The following DPP10 variants were observed in gnomAD, a reference collection of about 807,000 sequenced individuals.
DPP10 encodes inactive dipeptidyl peptidase 10.
In DPP10, 33 loss-of-function variants were observed where a neutral mutation model predicts 120.9. That is an observed-to-expected ratio of 0.27 (90% CI 0.21 to 0.37). The LOEUF (loss-of-function observed/expected upper bound fraction) is 0.37. Among genes scored for constraint, DPP10 ranks in the 10% least tolerant of loss-of-function variants. The pLI is 1.00. For missense variants in DPP10, 816 were observed against 942.8 expected (o/e 0.87, Z 1.76); for synonymous variants, 337 against 326.1 (o/e 1.03, Z -0.36).
intron 1 of DPP10, among the ~76,000 whole-genome samples, chr2:114,777,346 C>A (rs1228567647): frequency 6.6e-6 from 1 of 152,088 alleles, no homozygotes; most frequent in African/African-American, 2.4e-5. Flanking sequence ...TTGCACTGTA[C>A]AAATCACAAT....
At chr2:114,729,913 T>G (rs893878749) in intron 1 of DPP10, among the ~76,000 whole-genome samples, 1 of 152,150 alleles carries the variant, frequency 6.6e-6, no homozygotes, top group African/African-American at 2.4e-5. Flanking sequence ...AGGCAGTAAT[T>G]GATGAAAGCA....
At chr2:115,549,608 G>C (rs765254527) in intron 5 of DPP10, among the ~76,000 whole-genome samples, 2 of 151,950 alleles carry the variant, frequency 1.3e-5, no homozygotes, top group African/African-American at 4.8e-5. Context: ...TTTATTCACC[G>C]GGATTGCTAC....
intron 1 of DPP10, among the ~76,000 whole-genome samples, chr2:114,622,856 G>T (rs148431549): frequency 6.6e-6 from 1 of 152,204 alleles, no homozygotes; most frequent in Non-Finnish European, 1.5e-5. Context: ...ACTAGCATTT[G>T]CTTGCCTGGT....
At chr2:115,800,121 G>A (rs1177763552) in intron 19 of DPP10, among the ~76,000 whole-genome samples, 15 of 150,830 alleles carry the variant, frequency 9.9e-5, no homozygotes, top group Middle Eastern at 3.4e-3. Flanking sequence ...TTTAATGATC[G>A]CCATTATAAC....
intron 1 of DPP10, among the ~76,000 whole-genome samples, chr2:114,950,622 C>T (rs1697716934): frequency 6.6e-6 from 1 of 151,892 alleles, no homozygotes; most frequent in Middle Eastern, 3.4e-3. Context: ...AGCTGTACAA[C>T]TTAGAACACC....
At chr2:115,172,019 C>T (rs1450252867) in intron 1 of DPP10, among the ~76,000 whole-genome samples, 1 of 152,200 alleles carries the variant, frequency 6.6e-6, no homozygotes, top group Non-Finnish European at 1.5e-5. Context: ...AGCTTCCCCT[C>T]TTACACTCAG....
At chr2:114,529,915 C>A (rs1216803947) in intron 1 of DPP10, among the ~76,000 whole-genome samples, 2 of 152,116 alleles carry the variant, frequency 1.3e-5, no homozygotes, top group African/African-American at 4.8e-5. Flanking sequence ...TCATTTAGCT[C>A]CCACTTACAA....
intron 1 of DPP10, among the ~76,000 whole-genome samples, chr2:115,154,878 C>T (rs1360073669): frequency 2.0e-5 from 3 of 150,084 alleles, no homozygotes; most frequent in South Asian, 2.1e-4. Flanking sequence ...AAAAAAATTG[C>T]GGTTTTGCCA....
At chr2:114,556,741 A>G (rs1396359709) in intron 1 of DPP10, among the ~76,000 whole-genome samples, 2 of 152,182 alleles carry the variant, frequency 1.3e-5, no homozygotes, top group African/African-American at 4.8e-5. Flanking sequence ...GAGGTCTAAT[A>G]GATGATGGAG....
chr2:115,331,884 C>G (rs1176522097), intron 2 of DPP10, among the ~76,000 whole-genome samples: 3 of 151,750 alleles, frequency 2.0e-5, no homozygotes, highest in African/African-American at 7.3e-5. Flanking sequence ...CTAAAATTCT[C>G]TTTTTTTTGT....
At chr2:115,070,752 T>C (rs1707297797) in intron 1 of DPP10, among the ~76,000 whole-genome samples, 1 of 152,168 alleles carries the variant, frequency 6.6e-6, no homozygotes, top group Admixed American at 6.5e-5. Flanking sequence ...GAATACTAAT[T>C]TGTTAATTAA....
intron 5 of DPP10, among the ~76,000 whole-genome samples, chr2:115,596,357 G>A (rs1305951935): frequency 6.6e-6 from 1 of 151,982 alleles, no homozygotes; most frequent in Non-Finnish European, 1.5e-5. Flanking sequence ...ACTATGTGAG[G>A]TAAAATTTTT....
At chr2:115,003,176 T>TAAAAAA (rs140794959) in intron 1 of DPP10, among the ~76,000 whole-genome samples, 6 of 134,376 alleles carry the variant, frequency 4.5e-5, no homozygotes, top group African/African-American at 8.3e-5. Flanking sequence ...TATGTAGCTA[T>TAAAAAA]AAAAAAAAAA....
At chr2:114,615,102 A>G (rs1425736515) in intron 1 of DPP10, among the ~76,000 whole-genome samples, 1 of 152,166 alleles carries the variant, frequency 6.6e-6, no homozygotes, top group Non-Finnish European at 1.5e-5. Flanking sequence ...GATGGTTAAG[A>G]TTTAAAATAA....
intron 4 of DPP10, among the ~76,000 whole-genome samples, chr2:115,506,670 A>T (rs1431480208): frequency 6.6e-6 from 1 of 152,090 alleles, no homozygotes; most frequent in Non-Finnish European, 1.5e-5. Context: ...GTTTGTATGT[A>T]TTTATTCATA....
At chr2:114,478,970 A>T (rs1680770647) in intron 1 of DPP10, among the ~76,000 whole-genome samples, 1 of 42,068 alleles carries the variant, frequency 2.4e-5, no homozygotes, top group Non-Finnish European at 4.6e-5. Flanking sequence ...TAAATTAAGC[A>T]TGTACAGAAT....
intron 1 of DPP10, among the ~76,000 whole-genome samples, chr2:115,088,835 T>G (rs1708997178): frequency 6.6e-6 from 1 of 151,720 alleles, no homozygotes; most frequent in South Asian, 2.1e-4. Flanking sequence ...TTATATTAAT[T>G]TTATGTTTCT....
At chr2:115,398,244 T>G (rs2067825716) in intron 3 of DPP10, among the ~76,000 whole-genome samples, 1 of 152,098 alleles carries the variant, frequency 6.6e-6, no homozygotes, top group Non-Finnish European at 1.5e-5. Flanking sequence ...AAAGCAGTGC[T>G]TAAGAAATTG....
chr2:115,836,916 A>G (rs1689599065), intron 24 of DPP10, among the ~76,000 whole-genome samples, 170 bp downstream of exon 24: 1 of 152,182 alleles, frequency 6.6e-6, no homozygotes, highest in Non-Finnish European at 1.5e-5. Context: ...TTCAGAGATA[A>G]GAGGAGAGGA....
Sources: gnomAD v4.1 joint callset for allele counts (sites outside exome capture counted in the v4.1 genomes callset) on GRCh38, gnomAD v4.1.1 for gene constraint, MANE v1.5 for transcripts, NCBI Gene and HGNC (gene_info 2026-07-23, HGNC 2026-07-21) for gene names.